Variants in WDR47 observed in about 807,000 individuals in gnomAD.
WDR47 encodes the protein WD repeat-containing protein 47.
WDR47 carries 32 observed loss-of-function variants against 97.2 expected under a neutral mutation model. That is an observed-to-expected ratio of 0.33 (90% CI 0.25 to 0.44). The LOEUF (loss-of-function observed/expected upper bound fraction) is 0.44. Among genes scored for constraint, WDR47 ranks in the 20% least tolerant of loss-of-function variants. WDR47 has a pLI of 1.00. For synonymous variants in WDR47, 375 were observed against 373.5 expected (o/e 1.00, Z -0.05); for missense variants, 782 against 1,102.3 (o/e 0.71, Z 4.11).
At chr1:109,025,266 G>A (rs762367138) in intron 1 of WDR47, among the ~76,000 whole-genome samples, 4 of 151,138 alleles carry the variant, frequency 2.6e-5, no homozygotes, top group Non-Finnish European at 5.9e-5. Context: ...GGCGAAACAT[G>A]GTCTCTACCA....
intron 7 of WDR47, 77 bp downstream of exon 7, chr1:109,002,147 T>C (rs539804830): frequency 2.2e-5 from 31 of 1,424,876 alleles, no homozygotes; most frequent in Non-Finnish European, 2.6e-5. Flanking sequence ...AAACTATACA[T>C]AGAAAGTAGC....
chr1:108,991,873 G>T (rs577972675), intron 8 of WDR47, among the ~76,000 whole-genome samples: 1 of 152,032 alleles, frequency 6.6e-6, no homozygotes, highest in Non-Finnish European at 1.5e-5. Flanking sequence ...ATGTTGCCCA[G>T]GCTGCTCTCG....
intron 2 of WDR47, among the ~76,000 whole-genome samples, chr1:109,017,935 T>C (rs1661538709): frequency 6.6e-6 from 1 of 151,436 alleles, no homozygotes; most frequent in Non-Finnish European, 1.5e-5. Flanking sequence ...TTTTAGTAGA[T>C]ACAGGGTTTC....
At chr1:109,029,671 C>CTAAA (rs112161424) in intron 1 of WDR47, among the ~76,000 whole-genome samples, 6,118 of 140,560 alleles carry the variant, frequency 0.044, 193 homozygotes, top group South Asian at 0.067. Flanking sequence ...GACTCTGTCT[C>CTAAA]TAAATAAATA....
intron 2 of WDR47, among the ~76,000 whole-genome samples, chr1:109,020,949 C>A (rs549933680): frequency 6.7e-6 from 1 of 148,580 alleles, no homozygotes; most frequent in African/African-American, 2.5e-5. Flanking sequence ...TACAATGGTA[C>A]GATCTCAACT....
chr1:109,023,823 C>G (rs1209540230), intron 1 of WDR47, among the ~76,000 whole-genome samples: 9 of 152,022 alleles, frequency 5.9e-5, no homozygotes. Context: ...AAAGATGAAA[C>G]AAGAATGATT....
intron 10 of WDR47, among the ~76,000 whole-genome samples, chr1:108,984,678 G>A (rs546406128): frequency 3.9e-4 from 59 of 152,256 alleles, no homozygotes; most frequent in South Asian, 1.7e-3. Context: ...AGGAAATCAA[G>A]ACCATCCTGG....
intron 1 of WDR47, among the ~76,000 whole-genome samples, chr1:109,036,345 A>C (rs1456300212): frequency 2.0e-5 from 3 of 151,924 alleles, no homozygotes; most frequent in Non-Finnish European, 4.4e-5. Flanking sequence ...AGCCTGAGGC[A>C]GGTGGATCAC....
At chr1:108,981,425 T>A (rs1658340263) in intron 13 of WDR47, among the ~76,000 whole-genome samples, 1 of 152,180 alleles carries the variant, frequency 6.6e-6, no homozygotes, top group East Asian at 1.9e-4. Flanking sequence ...TTTGTTCAAT[T>A]TCACTTTTTG....
intron 13 of WDR47, among the ~76,000 whole-genome samples, chr1:108,978,542 C>A (rs1369329425): frequency 1.3e-5 from 2 of 151,288 alleles, no homozygotes; most frequent in African/African-American, 4.9e-5. Context: ...GAATAGGTTT[C>A]AGCTAGAGAT....
intron 1 of WDR47, among the ~76,000 whole-genome samples, chr1:109,024,397 G>A (rs994550501): frequency 6.6e-6 from 1 of 151,660 alleles, no homozygotes; most frequent in Admixed American, 6.6e-5. Context: ...AGGCTGCAGT[G>A]AGCAAAGATC....
intron 1 of WDR47, among the ~76,000 whole-genome samples, chr1:109,037,690 G>A (rs559761324): frequency 1.0e-4 from 15 of 150,206 alleles, no homozygotes; most frequent in Non-Finnish European, 2.2e-4. Flanking sequence ...TTTATAAAAG[G>A]TTCCATTTTC....
chr1:109,019,555 C>T (rs1156792349), intron 2 of WDR47, among the ~76,000 whole-genome samples: 3 of 151,866 alleles, frequency 2.0e-5, no homozygotes, highest in African/African-American at 7.3e-5. Flanking sequence ...GGGGATACTA[C>T]TGGGATCTAG....
At chr1:108,974,887 T>C in intron 13 of WDR47, 133 bp from the exon 14 acceptor site, 1 of 762,938 alleles carries the variant, frequency 1.3e-6, no homozygotes, top group Non-Finnish European at 2.1e-6. Flanking sequence ...GATGAAAAAA[T>C]CCAAATTAAC....
intron 7 of WDR47, among the ~76,000 whole-genome samples, chr1:108,997,539 G>A (rs539859701): frequency 1.3e-4 from 19 of 151,860 alleles, no homozygotes; most frequent in South Asian, 2.1e-4. Flanking sequence ...GGCGGATCAC[G>A]AGGTCAGGAG....
intron 5 of WDR47, among the ~76,000 whole-genome samples, chr1:109,004,992 A>C (rs1660488392): frequency 6.6e-6 from 1 of 152,012 alleles, no homozygotes; most frequent in Admixed American, 6.6e-5. Flanking sequence ...GAGTTTCACC[A>C]TGTTAGCCAG....
chr1:109,009,179 A>C (rs1490736403), intron 5 of WDR47, among the ~76,000 whole-genome samples: 1 of 152,224 alleles, frequency 6.6e-6, no homozygotes, highest in Non-Finnish European at 1.5e-5. Context: ...TATCCTATGT[A>C]ATGTGAAAAG....
At chr1:108,977,792 C>T (rs1180919208) in intron 13 of WDR47, among the ~76,000 whole-genome samples, 1 of 152,056 alleles carries the variant, frequency 6.6e-6, no homozygotes, top group East Asian at 1.9e-4. Flanking sequence ...TACACCATGG[C>T]ACTCCAGCCT....
intron 5 of WDR47, among the ~76,000 whole-genome samples, chr1:109,005,740 G>A (rs145996021): frequency 3.3e-5 from 5 of 151,840 alleles, no homozygotes; most frequent in African/African-American, 7.2e-5. Context: ...GGCGTGGTAC[G>A]CGCCTGTAGT....
Sources: allele counts gnomAD v4.1 joint callset (sites outside exome capture counted in the v4.1 genomes callset), GRCh38; gene constraint gnomAD v4.1.1; transcripts MANE v1.5; gene names NCBI Gene and HGNC (gene_info 2026-07-23, HGNC 2026-07-21).